Variants in CERS6 observed in about 807,000 individuals in gnomAD.
CERS6 encodes ceramide synthase 6, also known as LAG1 homolog, ceramide synthase 6.
Under a neutral mutation model 56.8 loss-of-function variants are expected in CERS6, and 26 were observed. The ratio of observed to expected loss-of-function variants is 0.46; its 90% CI spans 0.34 to 0.63. The LOEUF is 0.63. Ranked by LOEUF, CERS6 falls within the 30% of genes least tolerant of loss-of-function variation. The pLI, the probability that CERS6 is intolerant of heterozygous loss-of-function variation, is 0.01. For missense variants in CERS6, 415 were observed against 467.5 expected, an observed-to-expected ratio of 0.89 and a Z score of 1.04; for synonymous variants, 164 against 173.3, an observed-to-expected ratio of 0.95 and a Z score of 0.42.
At chr2:168,556,939 G>T (rs1695689582) in intron 2 of CERS6, among the ~76,000 whole-genome samples, 1 of 143,762 alleles carries the variant, frequency 7.0e-6, no homozygotes, top group Non-Finnish European at 1.5e-5. Flanking sequence ...AAGACCGCTT[G>T]AGTCCAGGAG....
At position 168,536,607 on chromosome 2, in the gene CERS6, G is replaced by A. The variant is rs145120388; in HGVS notation, c.171-10989G>A. Among the ~76,000 whole-genome samples the A allele has an allele frequency of 5.9e-5, 9 of 152,216 alleles. No homozygotes were observed. In the East Asian group the frequency reaches 1.7e-3, roughly 29 times the overall value. On this transcript the variant is annotated intron_variant, in intron 1 of 9. Transcript: ENST00000305747. The stretch of plus-strand genomic sequence containing the variant: ...AAAAAGAACAACAGTGTAAGTCTTT[G>A]TAACCATTAAATACCATGCCCTACC...
intron 8 of CERS6, among the ~76,000 whole-genome samples, chr2:168,731,684 C>T (rs375649026): frequency 3.9e-5 from 6 of 152,184 alleles, no homozygotes; most frequent in Non-Finnish European, 7.4e-5. Context: ...AGAGTTCTGG[C>T]ATAACGATTT....
At chr2:168,691,612 A>G (rs569743558) in intron 5 of CERS6, among the ~76,000 whole-genome samples, 85 of 152,346 alleles carry the variant, frequency 5.6e-4, no homozygotes, top group African/African-American at 1.9e-3. Flanking sequence ...TAAAAACAGC[A>G]TCATTGAAAG....
chr2:168,647,583 T>C (rs531315583), intron 4 of CERS6, among the ~76,000 whole-genome samples: 1 of 152,310 alleles, frequency 6.6e-6, no homozygotes, highest in African/African-American at 2.4e-5. Context: ...GATCCTTGTC[T>C]TGTGCCAGTT....
chr2:168,550,644 C>A (rs1374450949), intron 2 of CERS6, among the ~76,000 whole-genome samples: 1 of 152,236 alleles, frequency 6.6e-6, no homozygotes, highest in African/African-American at 2.4e-5. Context: ...CTGGCTGACA[C>A]ACTGTACCTT....
intron 3 of CERS6, among the ~76,000 whole-genome samples, chr2:168,620,038 CACACACACACACACACACACACACAT>C (rs1256685459): frequency 4.1e-5 from 6 of 144,610 alleles, no homozygotes; most frequent in South Asian, 2.3e-4. Context: ...CACACACACA[CACACACACACACACACACACACACAT>C]ATTTATATAT....
chr2:168,486,795 A>C (rs1056974251), intron 1 of CERS6, among the ~76,000 whole-genome samples: 1 of 152,118 alleles, frequency 6.6e-6, no homozygotes, highest in Non-Finnish European at 1.5e-5. Flanking sequence ...TTGTTTGTGT[A>C]GTTAGCATTT....
At chr2:168,585,355 T>C (rs1324224237) in intron 3 of CERS6, among the ~76,000 whole-genome samples, 1 of 152,246 alleles carries the variant, frequency 6.6e-6, no homozygotes. Context: ...GGACAAGGCA[T>C]GGTGTCATTC....
chr2:168,600,823 G>T (rs746202213), intron 3 of CERS6, among the ~76,000 whole-genome samples: 1 of 152,174 alleles, frequency 6.6e-6, no homozygotes. Context: ...GAATTAAATT[G>T]ATCTAATAGT....
chr2:168,464,876 GAAAC>G (rs1173806672), intron 1 of CERS6, among the ~76,000 whole-genome samples: 2 of 152,164 alleles, frequency 1.3e-5, no homozygotes, highest in Non-Finnish European at 2.9e-5. Context: ...TCAAAACAAA[GAAAC>G]AAACAGAATA....
intron 4 of CERS6, among the ~76,000 whole-genome samples, chr2:168,658,656 TTGAC>T (rs1685552331): frequency 6.6e-6 from 1 of 152,270 alleles, no homozygotes; most frequent in African/African-American, 2.4e-5. Context: ...TTTGCCTCCT[TTGAC>T]TGGCAATATG....
intron 3 of CERS6, among the ~76,000 whole-genome samples, chr2:168,614,747 T>G (rs1238593208): frequency 1.3e-5 from 2 of 152,088 alleles, no homozygotes; most frequent in Non-Finnish European, 2.9e-5. Flanking sequence ...AGCTCAGACG[T>G]GCCTAGCCTT....
intron 4 of CERS6, among the ~76,000 whole-genome samples, chr2:168,678,125 A>C (rs913112557): frequency 1.3e-5 from 2 of 152,234 alleles, no homozygotes; most frequent in Admixed American, 6.5e-5. Context: ...CCATTGTGGA[A>C]GTCAGTGTGG....
chr2:168,552,296 C>T (rs543441989), intron 2 of CERS6, among the ~76,000 whole-genome samples: 9 of 150,018 alleles, frequency 6.0e-5, no homozygotes, highest in Non-Finnish European at 1.2e-4. Flanking sequence ...AAAAAACTTA[C>T]GGAGAATAAT....
At position 168,743,840 on chromosome 2, in the gene CERS6, A is replaced by G. The variant is rs1186621175; in HGVS notation, c.846-21752A>G. ...GGATCCAACTAAGTGTGTGCTTAGA[A>G]CATACAGTGGGCCACAAAATTTTTA... is the stretch of plus-strand genomic sequence containing the variant. On this transcript the variant is annotated intron_variant, in intron 8 of 9. Transcript: ENST00000305747. Among the ~76,000 whole-genome samples, 3 of 152,276 alleles carry G rather than the reference A, an allele frequency of 2.0e-5. No homozygotes were observed. In the East Asian group the frequency reaches 5.8e-4, roughly 29 times the overall value.
At chr2:168,567,763 A>C (rs1042294331) in intron 3 of CERS6, among the ~76,000 whole-genome samples, 2 of 152,348 alleles carry the variant, frequency 1.3e-5, no homozygotes, top group African/African-American at 4.8e-5. Context: ...TAATAGAAAA[A>C]TGTGAATAGT....
intron 8 of CERS6, among the ~76,000 whole-genome samples, chr2:168,729,958 C>A (rs1408379571): frequency 6.6e-6 from 1 of 152,090 alleles, no homozygotes; most frequent in Non-Finnish European, 1.5e-5. Context: ...GGTTATGTGC[C>A]CAGGAACAGC....
At chr2:168,496,212 G>C (rs1237270553) in intron 1 of CERS6, among the ~76,000 whole-genome samples, 1 of 152,116 alleles carries the variant, frequency 6.6e-6, no homozygotes, top group East Asian at 1.9e-4. Flanking sequence ...GTTGTTTCTA[G>C]TATCTTCCTA....
intron 1 of CERS6, among the ~76,000 whole-genome samples, chr2:168,461,920 C>A (rs1693787114): frequency 6.6e-6 from 1 of 152,140 alleles, no homozygotes; most frequent in Non-Finnish European, 1.5e-5. Context: ...GGACAGGTGG[C>A]AGCAGAGGGA....
Sources: allele counts gnomAD v4.1 joint callset (sites outside exome capture counted in the v4.1 genomes callset), GRCh38; gene constraint gnomAD v4.1.1; transcripts MANE v1.5; gene names NCBI Gene and HGNC (gene_info 2026-07-23, HGNC 2026-07-21).